The following ROBO1 variants were observed in gnomAD, a reference collection of about 807,000 sequenced individuals.
ROBO1 encodes the protein roundabout homolog 1.
In ROBO1, 149 loss-of-function variants were observed where a neutral mutation model predicts 195.9. The ratio of observed to expected loss-of-function variants is 0.76; its 90% CI spans 0.67 to 0.87. The LOEUF (loss-of-function observed/expected upper bound fraction) is 0.87, where lower values mean the gene tolerates loss of function less well. ROBO1 is among the 40% of genes least tolerant of loss of function. ROBO1 has a pLI of 0.00. For missense variants in ROBO1, 1,933 were observed against 2,068.3 expected (o/e 0.93, Z 1.27); for synonymous variants, 816 against 733.2 (o/e 1.11, Z -1.82).
intron 2 of ROBO1, among the ~76,000 whole-genome samples, chr3:79,443,323 G>A (rs914451701): frequency 2.0e-5 from 3 of 152,014 alleles, no homozygotes; most frequent in Non-Finnish European, 2.9e-5. Flanking sequence ...TGAAATACTC[G>A]GTCCTTTATA....
chr3:79,039,801 C>CAGAAAAAAAA (rs2078450484), intron 3 of ROBO1, among the ~76,000 whole-genome samples: 1 of 51,314 alleles, frequency 1.9e-5, no homozygotes, highest in Non-Finnish European at 3.2e-5. Flanking sequence ...GACTCCGTCT[C>CAGAAAAAAAA]AAAAAAAAAA....
chr3:79,228,450 C>T (rs1319077480), intron 2 of ROBO1, among the ~76,000 whole-genome samples: 1 of 152,086 alleles, frequency 6.6e-6, no homozygotes, highest in East Asian at 1.9e-4. Flanking sequence ...ATTTAAAACC[C>T]ATCTGACAGT....
chr3:78,755,179 G>A (rs1386402864), intron 4 of ROBO1, among the ~76,000 whole-genome samples: 2 of 152,172 alleles, frequency 1.3e-5, no homozygotes, highest in African/African-American at 4.8e-5. Flanking sequence ...AAGTAATAAT[G>A]GACGTGGAGG....
intron 2 of ROBO1, among the ~76,000 whole-genome samples, chr3:79,151,259 T>C (rs960149689): frequency 2.0e-5 from 3 of 151,690 alleles, no homozygotes; most frequent in African/African-American, 7.3e-5. Context: ...AGCATGAGAA[T>C]GGACTAATAA....
chr3:79,181,726 A>G (rs2081343101), intron 2 of ROBO1, among the ~76,000 whole-genome samples: 1 of 152,100 alleles, frequency 6.6e-6, no homozygotes, highest in African/African-American at 2.4e-5. Context: ...AGATTTAAAT[A>G]AAGATTTAAG....
intron 1 of ROBO1, among the ~76,000 whole-genome samples, chr3:79,664,251 G>A (rs1215759748): frequency 6.6e-6 from 1 of 151,952 alleles, no homozygotes; most frequent in Non-Finnish European, 1.5e-5. Flanking sequence ...TTAATTCCAA[G>A]GACCTGAATA....
intron 1 of ROBO1, among the ~76,000 whole-genome samples, chr3:79,591,838 T>C (rs1428571863): frequency 1.3e-5 from 2 of 151,632 alleles, no homozygotes; most frequent in Admixed American, 1.3e-4. Flanking sequence ...CCCTATCTTC[T>C]TGGTTTCTGC....
rs569403992 is a variant in ROBO1, at chr3:79,163,560, C to A, written c.89-38021G>T. Among the ~76,000 whole-genome samples, 9 of 152,172 alleles carry A rather than the reference C, an allele frequency of 5.9e-5. No homozygotes were observed. In the South Asian group the frequency reaches 1.7e-3, roughly 28 times the overall value. ...TCTATACCCAAAAGTGGAATTGGTG[C>A]ATCATATGGTAATTCTATTTTTAAT... On this transcript the variant is annotated intron_variant, in intron 2 of 30. Transcript: ENST00000464233.
chr3:79,520,447 C>T (rs1941161594), intron 2 of ROBO1, among the ~76,000 whole-genome samples: 1 of 152,064 alleles, frequency 6.6e-6, no homozygotes. Context: ...AGCTCTGGGT[C>T]TTAAGGCATT....
At chr3:79,660,183 G>C (rs1946289155) in intron 1 of ROBO1, among the ~76,000 whole-genome samples, 2 of 151,932 alleles carry the variant, frequency 1.3e-5, no homozygotes, top group South Asian at 4.1e-4. Flanking sequence ...ATAGCAAAGA[G>C]ATGTGGAAGT....
At chr3:78,889,990 T>C (rs2036796056) in intron 4 of ROBO1, among the ~76,000 whole-genome samples, 1 of 152,040 alleles carries the variant, frequency 6.6e-6, no homozygotes, top group South Asian at 2.1e-4. Context: ...AACTGGGACC[T>C]CTCTGTCTCT....
chr3:79,180,071 G>A (rs1040841066), intron 2 of ROBO1, among the ~76,000 whole-genome samples: 3 of 152,034 alleles, frequency 2.0e-5, no homozygotes, highest in Non-Finnish European at 4.4e-5. Context: ...GCCTTGAGTC[G>A]TGACTTCTAG....
At chr3:79,536,835 C>G (rs940656630) in intron 2 of ROBO1, among the ~76,000 whole-genome samples, 1 of 152,076 alleles carries the variant, frequency 6.6e-6, no homozygotes. Context: ...TTGCTCTTAC[C>G]TCCTTTGAGA....
At chr3:78,810,087 T>C (rs1461037356) in intron 4 of ROBO1, among the ~76,000 whole-genome samples, 1 of 152,100 alleles carries the variant, frequency 6.6e-6, no homozygotes, top group Non-Finnish European at 1.5e-5. Flanking sequence ...GCAAGAAAAT[T>C]TGGACGCAAA....
intron 2 of ROBO1, among the ~76,000 whole-genome samples, chr3:79,338,811 T>A (rs150528596): frequency 2.4e-3 from 373 of 152,342 alleles, no homozygotes; most frequent in Middle Eastern, 0.017. Flanking sequence ...GGTTCTCAAA[T>A]GTATATCTCT....
At chr3:78,601,387 G>T (rs749706646) in intron 29 of ROBO1, among the ~76,000 whole-genome samples, 32 of 152,130 alleles carry the variant, frequency 2.1e-4, no homozygotes, top group Non-Finnish European at 4.6e-4. Context: ...CCTTGATAGC[G>T]TCTTGTTCTT....
intron 25 of ROBO1, among the ~76,000 whole-genome samples, chr3:78,630,070 T>A (rs1044341385): frequency 6.6e-6 from 1 of 152,204 alleles, no homozygotes; most frequent in Non-Finnish European, 1.5e-5. Flanking sequence ...CTTAAAGAAA[T>A]ATATCTACGA....
At chr3:79,608,005 T>A (rs541241921) in intron 1 of ROBO1, among the ~76,000 whole-genome samples, 1 of 152,048 alleles carries the variant, frequency 6.6e-6, no homozygotes, top group Non-Finnish European at 1.5e-5. Context: ...TATGTGATAC[T>A]ACATTGATCA....
chr3:78,705,904 C>A (rs1054561193), intron 8 of ROBO1, among the ~76,000 whole-genome samples: 3 of 151,766 alleles, frequency 2.0e-5, no homozygotes, highest in Non-Finnish European at 4.4e-5. Context: ...AATTCTTGAC[C>A]CCCCCATACC....
Sources: gnomAD v4.1 joint callset for allele counts (sites outside exome capture counted in the v4.1 genomes callset) on GRCh38, gnomAD v4.1.1 for gene constraint, MANE v1.5 for transcripts, NCBI Gene and HGNC (gene_info 2026-07-23, HGNC 2026-07-21) for gene names.